TBXAS1: variants seen among roughly 807,000 people sequenced by gnomAD.
TBXAS1 encodes thromboxane-A synthase.
In TBXAS1, 48 loss-of-function variants were observed where a neutral mutation model predicts 60.7. The ratio of observed to expected loss-of-function variants is 0.79; its 90% CI spans 0.63 to 1.01. The LOEUF is 1.01. TBXAS1 is among the 50% of genes least tolerant of loss of function. The pLI, the probability that TBXAS1 is intolerant of heterozygous loss-of-function variation, is 0.00. For synonymous variants in TBXAS1, 287 were observed against 269.7 expected (o/e 1.06, Z -0.63); for missense variants, 685 against 686.3 (o/e 1.00, Z 0.02).
chr7:139,872,374 G>A (rs1402766981), intron 2 of TBXAS1, 46 bp downstream of exon 2: 3 of 1,575,080 alleles, frequency 1.9e-6, no homozygotes, highest in African/African-American at 2.7e-5. Context: ...TATGCTGAGG[G>A]CCAGGCACAG....
At position 139,918,363 on chromosome 7, in the gene TBXAS1, G is replaced by A. The variant is rs149311530; in HGVS notation, c.333+7042G>A. Among the ~76,000 whole-genome samples the A allele has an allele frequency of 6.1e-3, 930 of 152,250 alleles. 8 individuals are homozygous for A. The highest frequency in any genetic ancestry group is 0.025 in the South Asian group (121 of 4,826). On this transcript the variant is annotated intron_variant, in intron 4 of 12. Transcript: ENST00000448866. ...CAGGGAGCCACGGAGTCCCACCAGC[G>A]TCCCATAGAGCCACTTGGAGCTTCA...
At chr7:139,897,945 G>T (rs906901334) in intron 3 of TBXAS1, among the ~76,000 whole-genome samples, 4 of 152,274 alleles carry the variant, frequency 2.6e-5, no homozygotes, top group African/African-American at 7.2e-5. Flanking sequence ...TTGCTCTAAT[G>T]ACAGACGGGA....
intron 1 of TBXAS1, among the ~76,000 whole-genome samples, chr7:139,843,699 C>T (rs1203361253): frequency 6.6e-6 from 1 of 152,186 alleles, no homozygotes; most frequent in African/African-American, 2.4e-5. Context: ...CTGTAAGTCC[C>T]TAAGAGGAGG....
At chr7:139,921,190 C>T (rs1743191675) in intron 4 of TBXAS1, among the ~76,000 whole-genome samples, 1 of 152,042 alleles carries the variant, frequency 6.6e-6, no homozygotes, top group African/African-American at 2.4e-5. Context: ...GATCAAGACA[C>T]AAACATTTCC....
chr7:139,957,833 CTT>C, intron 8 of TBXAS1, 69 bp downstream of exon 8: 1 of 1,604,868 alleles, frequency 6.2e-7, no homozygotes, highest in Non-Finnish European at 8.5e-7. Flanking sequence ...TGTCTCTGCT[CTT>C]TCTCTTCCCT....
At chr7:139,859,018 G>A (rs930880967) in intron 1 of TBXAS1, among the ~76,000 whole-genome samples, 1 of 151,726 alleles carries the variant, frequency 6.6e-6, no homozygotes, top group Non-Finnish European at 1.5e-5. Flanking sequence ...ACAGGCATGC[G>A]CCAGAATTAA....
At chr7:139,936,127 G>A (rs1167986070) in intron 4 of TBXAS1, 64 bp from the exon 5 acceptor site, 6 of 1,489,006 alleles carry the variant, frequency 4.0e-6, no homozygotes, top group Non-Finnish European at 4.7e-6. Context: ...TCATGGACCT[G>A]TATTGCCACC....
chr7:139,798,476 C>T (rs147368315), intron 4 of TBXAS1, among the ~76,000 whole-genome samples: 40 of 152,152 alleles, frequency 2.6e-4, no homozygotes, highest in Admixed American at 7.2e-4. Context: ...CACGTGGAAG[C>T]GAGAGCAGGA....
intron 1 of TBXAS1, among the ~76,000 whole-genome samples, chr7:139,858,900 C>T (rs1286277534): frequency 1.3e-5 from 2 of 151,954 alleles, no homozygotes; most frequent in Admixed American, 1.3e-4. Context: ...AGGAGTTTTG[C>T]TCTCGTTGCC....
At chr7:139,810,151 C>A (rs1039135629) in intron 4 of TBXAS1, among the ~76,000 whole-genome samples, 1 of 152,028 alleles carries the variant, frequency 6.6e-6, no homozygotes, top group African/African-American at 2.4e-5. Flanking sequence ...ATTCTCCAAC[C>A]TCAGCCTCCC....
intron 5 of TBXAS1, among the ~76,000 whole-genome samples, chr7:139,945,919 C>G (rs115452552): frequency 1.3e-5 from 2 of 152,174 alleles, no homozygotes; most frequent in Admixed American, 6.5e-5. Context: ...CCTCATCACA[C>G]GGTTATTAGC....
intron 1 of TBXAS1, among the ~76,000 whole-genome samples, chr7:139,855,110 T>G (rs1800492961): frequency 6.6e-6 from 1 of 152,150 alleles, no homozygotes; most frequent in Non-Finnish European, 1.5e-5. Flanking sequence ...CTATCATAAA[T>G]GGACTCTGTG....
chr7:139,957,211 G>A (rs572994476), intron 7 of TBXAS1, among the ~76,000 whole-genome samples: 1 of 152,346 alleles, frequency 6.6e-6, no homozygotes, highest in South Asian at 2.1e-4. Context: ...CCACTGGAAA[G>A]AAAATTCAAA....
rs758990676 is a variant in TBXAS1 at position 140,015,849 on chromosome 7, C to T, written c.1353C>T (p.Phe451=). ...AGCACTGGCCAAGCCCGGAGACCTTCAACCCTGAAAGGTGAGTACTGCCCC... is the reference window on the plus strand; with the variant it reads ...AGCACTGGCCAAGCCCGGAGACCTTTAACCCTGAAAGGTGAGTACTGCCCC... ...DPEHWPSPET[F]NPERFTAEAR... is the part of the protein sequence containing the mutation. Residue 451 remains phenylalanine (F), a synonymous_variant, in exon 11 of 13, where the codon TTC becomes TTT. Transcript: ENST00000448866. The T allele has an allele frequency of 6.2e-7, 1 of 1,613,768 alleles. No homozygotes were observed. Among genetic ancestry groups the T allele is most frequent in the South Asian group, 1.1e-5 (1 of 91,094 alleles).
chr7:139,930,306 C>T (rs756863402), intron 4 of TBXAS1, among the ~76,000 whole-genome samples: 4 of 152,210 alleles, frequency 2.6e-5, no homozygotes, highest in Non-Finnish European at 4.4e-5. Flanking sequence ...TGTGAGGACA[C>T]GGAGCTTCAT....
intron 4 of TBXAS1, among the ~76,000 whole-genome samples, chr7:139,816,697 T>C (rs748944239): frequency 2.6e-5 from 4 of 152,244 alleles, no homozygotes; most frequent in Non-Finnish European, 4.4e-5. Flanking sequence ...AACTGTGTTG[T>C]ATTTAACGAG....
chr7:139,838,840 G>A (rs1799237199), intron 1 of TBXAS1, among the ~76,000 whole-genome samples: 1 of 152,148 alleles, frequency 6.6e-6, no homozygotes, highest in Non-Finnish European at 1.5e-5. Context: ...CAGGGCTGGA[G>A]ATGGAGCTGG....
At chr7:139,911,488 G>A (rs1265576921) in intron 4 of TBXAS1, among the ~76,000 whole-genome samples, 167 bp downstream of exon 4, 1 of 152,090 alleles carries the variant, frequency 6.6e-6, no homozygotes, top group African/African-American at 2.4e-5. Flanking sequence ...GAGATCTATG[G>A]GACTGGTACA....
At chr7:139,911,726 A>G (rs769780026) in intron 4 of TBXAS1, among the ~76,000 whole-genome samples, 59 of 152,212 alleles carry the variant, frequency 3.9e-4, no homozygotes, top group Non-Finnish European at 5.1e-4. Flanking sequence ...CCCAGAAAGT[A>G]TAAGAGTATT....
Sources: gnomAD v4.1 joint callset for allele counts (sites outside exome capture counted in the v4.1 genomes callset) on GRCh38, gnomAD v4.1.1 for gene constraint, MANE v1.5 for transcripts, NCBI Gene and HGNC (gene_info 2026-07-23, HGNC 2026-07-21) for gene names.